MTMR6: variants seen among roughly 807,000 people sequenced by gnomAD.
MTMR6 encodes phosphatidylinositol-3,5-bisphosphate 3-phosphatase MTMR6.
MTMR6 carries 47 observed loss-of-function variants against 80.1 expected under a neutral mutation model. The observed-to-expected ratio is 0.59, with a 90% CI of 0.46 to 0.75. The LOEUF is 0.75. Ranked by LOEUF, MTMR6 falls within the 30% of genes least tolerant of loss-of-function variation. MTMR6 has a pLI of 0.00. For missense variants in MTMR6, 629 were observed against 730.9 expected (o/e 0.86, Z 1.61); for synonymous variants, 254 against 253.0 (o/e 1.00, Z -0.04).
chr13:25,269,331 TATCACA>T (rs1957519365), intron 2 of MTMR6, among the ~76,000 whole-genome samples: 1 of 152,346 alleles, frequency 6.6e-6, no homozygotes, highest in East Asian at 1.9e-4. Flanking sequence ...ATACCTCCTT[TATCACA>T]ATAAGAGTTT....
chr13:25,272,367 A>C (rs889649884), intron 2 of MTMR6, among the ~76,000 whole-genome samples: 1 of 152,218 alleles, frequency 6.6e-6, no homozygotes, highest in African/African-American at 2.4e-5. Flanking sequence ...CAAGCCACAC[A>C]CTGGGAAAAG....
intron 11 of MTMR6, among the ~76,000 whole-genome samples, chr13:25,252,732 A>G (rs1274389303): frequency 1.3e-5 from 1 of 74,312 alleles, no homozygotes; most frequent in African/African-American, 2.8e-5. Flanking sequence ...TCTGTACTCC[A>G]GGAAAAGAGT....
In MTMR6 at chr13:25,272,625, T is replaced by C. The variant is rs542914279; in HGVS notation, c.141+1446A>G. On this transcript the variant is annotated intron_variant, in intron 2 of 13. Transcript: ENST00000381801. ...CCTCCCACCTCTATTAGTCTATTAA[T>C]GTCTATTGTTCCCATCTTTGTGCTC... Among the ~76,000 whole-genome samples the C allele has an allele frequency of 3.3e-5, 5 of 152,328 alleles. No individual in the cohort carries two copies. In the South Asian group the frequency reaches 6.2e-4, roughly 19 times the overall value.
At chr13:25,280,006 G>C (rs923887483) in intron 1 of MTMR6, among the ~76,000 whole-genome samples, 3 of 152,184 alleles carry the variant, frequency 2.0e-5, no homozygotes, top group Admixed American at 1.3e-4. Context: ...AGAAGCTAAT[G>C]AAGCCATCTA....
chr13:25,256,967 A>T (rs1957221974), intron 9 of MTMR6, among the ~76,000 whole-genome samples: 1 of 152,232 alleles, frequency 6.6e-6, no homozygotes. Context: ...CAACCTCGAC[A>T]GTACTGACAT....
intron 1 of MTMR6, among the ~76,000 whole-genome samples, chr13:25,280,911 C>G (rs567618204): frequency 2.0e-5 from 3 of 152,280 alleles, no homozygotes; most frequent in Non-Finnish European, 2.9e-5. Flanking sequence ...TTGTTGCCAA[C>G]TATGGGCCTG....
chr13:25,257,048 G>C (rs1218450201), intron 9 of MTMR6, 148 bp downstream of exon 9: 1 of 857,480 alleles, frequency 1.2e-6, no homozygotes, highest in African/African-American at 1.7e-5. Context: ...AAAATGTTTA[G>C]TTAGCAATAT....
chr13:25,252,025 T>G, intron 11 of MTMR6, 41 bp from the exon 12 acceptor site: 3 of 1,570,102 alleles, frequency 1.9e-6, no homozygotes, highest in Non-Finnish European at 2.6e-6. Context: ...TTCCTATAGA[T>G]GCAAAGTAGT....
intron 6 of MTMR6, chr13:25,260,610 A>G: frequency 2.3e-6 from 3 of 1,287,752 alleles, no homozygotes; most frequent in Non-Finnish European, 3.0e-6. Flanking sequence ...TTTTCTCATC[A>G]TTCTGGATTT....
intron 7 of MTMR6, 119 bp downstream of exon 7, chr13:25,258,441 A>T: frequency 1.3e-6 from 1 of 769,520 alleles, no homozygotes; most frequent in Non-Finnish European, 2.0e-6. Flanking sequence ...TATTAAAATT[A>T]ATTTCACTTG....
chr13:25,256,738 C>T (rs1041569976), intron 9 of MTMR6, among the ~76,000 whole-genome samples: 2 of 152,134 alleles, frequency 1.3e-5, no homozygotes, highest in African/African-American at 4.8e-5. Flanking sequence ...ATTACACTTA[C>T]TAATGCAGGT....
Position 25,249,311 on chromosome 13 carries a change from C to G in MTMR6, c.1787G>C (p.Ser596Thr). 6.2e-7 allele frequency: 1 copy of G among 1,614,126 alleles called. No individual in the cohort carries two copies. The highest frequency in any genetic ancestry group is 2.2e-5 in the East Asian group (1 of 44,868). Residue 596 changes from serine (S) to threonine (T), a missense_variant, in exon 14 of 14, where the codon AGT (serine) becomes ACT (threonine). Physicochemically the swap from Ser to Thr is moderately conservative, Grantham distance 58. Transcript: ENST00000381801. ...EGSSPADNRY[S>T]EYAEEFSKSE... ...TTTAGAAAACTCTTCTGCATATTCA[C>G]TATAACGATTATCTGCCGGGCTGCT... is the stretch of plus-strand genomic sequence containing the variant.
At chr13:25,286,558 A>G (rs981226335) in intron 1 of MTMR6, among the ~76,000 whole-genome samples, 2 of 152,256 alleles carry the variant, frequency 1.3e-5, no homozygotes, top group African/African-American at 4.8e-5. Flanking sequence ...TTCCACACAC[A>G]AAAATTAAGC....
chr13:25,269,134 C>G (rs1957514265), intron 2 of MTMR6, among the ~76,000 whole-genome samples: 1 of 152,176 alleles, frequency 6.6e-6, no homozygotes, highest in South Asian at 2.1e-4. Context: ...AGGAGGGAGG[C>G]TGAGGACCTT....
chr13:25,283,757 T>C (rs1957905979), intron 1 of MTMR6, among the ~76,000 whole-genome samples: 1 of 152,230 alleles, frequency 6.6e-6, no homozygotes, highest in African/African-American at 2.4e-5. Flanking sequence ...ACAATATCAT[T>C]TGACATCAAT....
At chr13:25,255,801 C>T (rs1268767998) in intron 9 of MTMR6, among the ~76,000 whole-genome samples, 2 of 152,170 alleles carry the variant, frequency 1.3e-5, no homozygotes, top group Non-Finnish European at 2.9e-5. Flanking sequence ...GGATTACAGG[C>T]GTGAGCCACT....
intron 5 of MTMR6, among the ~76,000 whole-genome samples, chr13:25,263,875 G>C (rs945931432): frequency 6.6e-6 from 1 of 152,090 alleles, no homozygotes; most frequent in African/African-American, 2.4e-5. Flanking sequence ...AACAAAGCGA[G>C]ACCTTGTCTC....
intron 1 of MTMR6, 120 bp from the exon 2 acceptor site, chr13:25,274,307 A>T: frequency 1.7e-6 from 1 of 583,608 alleles, no homozygotes; most frequent in Non-Finnish European, 3.0e-6. Flanking sequence ...ATAAGAGCTT[A>T]TTTAATACTT....
Position 25,251,527 on chromosome 13 carries a change from G to A in MTMR6, c.1605+122C>T. On this transcript the variant is annotated intron_variant, in intron 13 of 13. Transcript: ENST00000381801. The surrounding 1 kb of genome is among the most constrained non-coding windows in gnomAD (Gnocchi z 4.1). Reference sequence around the variant, plus strand: ...TATTCAATCAAAGTAGGGATGACCTGATTTTGAAGAAACTGCTTACTTCAG... The same window carrying A: ...TATTCAATCAAAGTAGGGATGACCTAATTTTGAAGAAACTGCTTACTTCAG... 1.2e-6 allele frequency: 1 copy of A among 866,200 alleles called. No homozygotes were observed. Among genetic ancestry groups the A allele is most frequent in the Admixed American group, 3.2e-5 (1 of 31,354 alleles). The allele number at this position is 866,200 out of a possible 1,614,324, so 53.7% of individuals were successfully genotyped here. A position where few individuals can be genotyped will look rare whatever the true frequency, so the allele number is the denominator to read the frequency against.
Sources: gnomAD v4.1 joint callset for allele counts (sites outside exome capture counted in the v4.1 genomes callset) on GRCh38, gnomAD v4.1.1 for gene constraint, Gnocchi (gnomAD v3.1) non-coding constraint, MANE v1.5 for transcripts, NCBI Gene and HGNC (gene_info 2026-07-23, HGNC 2026-07-21) for gene names.